UBOX5: variants seen among roughly 807,000 people sequenced by gnomAD.
The protein encoded by UBOX5 is U-box domain containing 5, also known as RING finger protein 37.
UBOX5 carries 28 observed loss-of-function variants against 39.0 expected under a neutral mutation model. The ratio of observed to expected loss-of-function variants is 0.72; its 90% CI spans 0.53 to 0.98. The LOEUF (loss-of-function observed/expected upper bound fraction) is 0.98, where lower values mean the gene tolerates loss of function less well. Among genes scored for constraint, UBOX5 ranks in the 50% least tolerant of loss-of-function variants. The pLI, the probability that UBOX5 is intolerant of heterozygous loss-of-function variation, is 0.00. For missense variants in UBOX5, 585 were observed against 674.4 expected, an observed-to-expected ratio of 0.87 and a Z score of 1.47; for synonymous variants, 283 against 275.5, an observed-to-expected ratio of 1.03 and a Z score of -0.27.
At chr20:3,158,011 A>T (rs1438578843) in intron 1 of UBOX5, among the ~76,000 whole-genome samples, 1 of 150,624 alleles carries the variant, frequency 6.6e-6, no homozygotes, top group Non-Finnish European at 1.5e-5. Context: ...CACCCCGGCA[A>T]CCTCCCGGGC....
chr20:3,148,920 G>A (rs771085724), intron 1 of UBOX5: 17 of 1,614,038 alleles, frequency 1.1e-5, no homozygotes, highest in Non-Finnish European at 1.4e-5. Context: ...TTGGCAGAAT[G>A]GCAGAGGCTA....
chr20:3,136,336 C>G (rs544980190), intron 1 of UBOX5, among the ~76,000 whole-genome samples: 2 of 150,862 alleles, frequency 1.3e-5, no homozygotes, highest in African/African-American at 4.9e-5. Context: ...AAGCTACTTT[C>G]TAAGAGATTG....
intron 1 of UBOX5, among the ~76,000 whole-genome samples, chr20:3,146,254 T>C (rs2066561043): frequency 6.6e-6 from 1 of 151,576 alleles, no homozygotes; most frequent in Non-Finnish European, 1.5e-5. Flanking sequence ...GGCAGGAGAA[T>C]TGTTTGAATC....
chr20:3,109,902 G>A lies in UBOX5; in HGVS notation c.*204C>T, dbSNP rs191249609. The A allele has an allele frequency of 1.2e-3, 777 of 642,376 alleles. 7 individuals are homozygous for A. Among genetic ancestry groups the A allele is most frequent in the African/African-American group, 7.6e-3 (416 of 54,962 alleles). 39.8% of individuals were successfully genotyped at this position (642,376 alleles called of 1,614,324 possible). A position where few individuals can be genotyped will look rare whatever the true frequency, so the allele number is the denominator to read the frequency against. On this transcript the variant is annotated 3_prime_UTR_variant, in exon 5 of 5. Coordinates refer to ENST00000217173, the MANE Select transcript of UBOX5 (RefSeq NM_014948.4). Reference sequence around the variant, plus strand: ...GGCAGGGAGGCAGGGACATCCCCCCGCCCTCTGGCCTATGGCTTTGTTGCC... The same window carrying A: ...GGCAGGGAGGCAGGGACATCCCCCCACCCTCTGGCCTATGGCTTTGTTGCC...
At chr20:3,129,102 A>T (rs1429442733) in intron 1 of UBOX5, among the ~76,000 whole-genome samples, 3 of 152,150 alleles carry the variant, frequency 2.0e-5, no homozygotes, top group Non-Finnish European at 4.4e-5. Context: ...GGGGCTGTCA[A>T]CTACCCCAGT....
chr20:3,150,051 C>T (rs1344206521), intron 1 of UBOX5, among the ~76,000 whole-genome samples: 1 of 151,810 alleles, frequency 6.6e-6, no homozygotes, highest in Non-Finnish European at 1.5e-5. Context: ...ATTAGTTATA[C>T]CTACGATAAC....
intron 1 of UBOX5, among the ~76,000 whole-genome samples, chr20:3,134,554 T>A (rs1230055331): frequency 1.4e-5 from 1 of 72,380 alleles, no homozygotes. Context: ...TGAGACCCCA[T>A]CTGAAAAAAA....
At chr20:3,113,017 T>TA (rs1177328250) in intron 4 of UBOX5, among the ~76,000 whole-genome samples, 1 of 149,566 alleles carries the variant, frequency 6.7e-6, no homozygotes, top group Non-Finnish European at 1.5e-5. Context: ...CTCACACCTG[T>TA]AATCCCAGCA....
At chr20:3,148,134 T>C in intron 1 of UBOX5, 1 of 1,613,948 alleles carries the variant, frequency 6.2e-7, no homozygotes, top group African/African-American at 1.3e-5. Context: ...TCCAAATTGA[T>C]CAAATCTATA....
chr20:3,125,341 C>T (rs1600378219), intron 1 of UBOX5, among the ~76,000 whole-genome samples: 1 of 146,588 alleles, frequency 6.8e-6, no homozygotes, highest in African/African-American at 2.5e-5. Context: ...TGCCCGGCTG[C>T]CCCGTCTGGG....
In UBOX5 at chr20:3,153,735, C is replaced by T. The variant is rs368926494; in HGVS notation, c.-42+6031G>A. On this transcript the variant is annotated intron_variant, in intron 1 of 4. Transcript: ENST00000217173. ...CTAACAGTCTACGATTCTATCACTACGGTTTATACTGCAAGTTGAGTATCC... is the reference window on the plus strand; with the variant it reads ...CTAACAGTCTACGATTCTATCACTATGGTTTATACTGCAAGTTGAGTATCC... Among the ~76,000 whole-genome samples, 59 of 152,286 alleles carry T rather than the reference C, an allele frequency of 3.9e-4. No individual in the cohort carries two copies. The South Asian group carries it at 9.5e-3, about 25-fold the overall frequency.
rs1165922643 is a variant in UBOX5 at position 3,108,953 on chromosome 20, A to AC, written c.*1152_*1153insG. On this transcript the variant is annotated 3_prime_UTR_variant, in exon 5 of 5. Transcript: ENST00000217173. ...GTCTCAATTAAAAAAAAAAAAAAAAAAGCAACTAACCCCAAACCCAGATCT... is the reference window on the plus strand; with the variant it reads ...GTCTCAATTAAAAAAAAAAAAAAAAACAGCAACTAACCCCAAACCCAGATCT... The AC allele has an allele frequency of 6.6e-6, 1 of 150,968 alleles. No homozygotes were observed. Among genetic ancestry groups the AC allele is most frequent in the Non-Finnish European group, 1.5e-5 (1 of 67,800 alleles). The allele number at this position is 150,968 out of a possible 1,614,324, so 9.4% of individuals were successfully genotyped here.
At chr20:3,121,316 C>G in intron 3 of UBOX5, 68 bp downstream of exon 3, 1 of 1,544,770 alleles carries the variant, frequency 6.5e-7, no homozygotes, top group East Asian at 2.3e-5. Context: ...AAGCAAAGGG[C>G]AGCAGAGCTG....
chr20:3,147,892 G>T, intron 1 of UBOX5: 1 of 1,614,194 alleles, frequency 6.2e-7, no homozygotes, highest in Non-Finnish European at 8.5e-7. Context: ...TCAGGTGCAT[G>T]ACACCTTGAA....
Position 3,122,023 on chromosome 20 carries a change from T to G in UBOX5, c.616A>C (p.Ile206Leu). The part of the protein sequence containing the change: ...QPAKTCSQEV[I>L]DSILLVTSEN... The stretch of plus-strand genomic sequence containing the variant: ...GAGGTGACCAGCAGGATGCTGTCTA[T>G]CACTTCCTGGGAGCAGGTCTTGGCC... The change falls in exon 3 of 5, where the codon ATA becomes CTA. Residue 206 changes from isoleucine to leucine, a missense_variant. Ile to Leu is a conservative substitution (Grantham distance 5, BLOSUM62 2). Coordinates refer to ENST00000217173, the MANE Select transcript of UBOX5 (RefSeq NM_014948.4). 1 of 1,614,244 alleles carries G rather than the reference T, an allele frequency of 6.2e-7. No individual in the cohort carries two copies. Among genetic ancestry groups the G allele is most frequent in the Non-Finnish European group, 8.5e-7 (1 of 1,180,052 alleles).
intron 1 of UBOX5, among the ~76,000 whole-genome samples, chr20:3,158,558 C>A (rs1325252047): frequency 6.6e-6 from 1 of 152,180 alleles, no homozygotes; most frequent in African/African-American, 2.4e-5. Context: ...ACTGCACACT[C>A]CGCCTCCCGG....
At chr20:3,144,117 C>T (rs375258318) in intron 1 of UBOX5, among the ~76,000 whole-genome samples, 3 of 152,066 alleles carry the variant, frequency 2.0e-5, no homozygotes, top group East Asian at 1.9e-4. Context: ...CCAAAGCAAA[C>T]GACAGATTCA....
chr20:3,118,095 T>A (rs1600366040), intron 3 of UBOX5, among the ~76,000 whole-genome samples: 1 of 151,216 alleles, frequency 6.6e-6, no homozygotes, highest in African/African-American at 2.4e-5. Context: ...GCAGCAGAGG[T>A]CGCAGTGAGC....
At chr20:3,130,223 C>T (rs11905186) in intron 1 of UBOX5, among the ~76,000 whole-genome samples, 2,980 of 127,734 alleles carry the variant, frequency 0.023, 118 homozygotes, top group African/African-American at 0.087. Context: ...GACCCTGTCT[C>T]CAAAAATAAA....
Sources: gnomAD v4.1 joint callset for allele counts (sites outside exome capture counted in the v4.1 genomes callset) on GRCh38, gnomAD v4.1.1 for gene constraint, MANE v1.5 for transcripts, NCBI Gene and HGNC (gene_info 2026-07-23, HGNC 2026-07-21) for gene names.